Variants in CERS6 observed in about 807,000 individuals in gnomAD.
CERS6 encodes the protein LAG1 homolog, ceramide synthase 6.
CERS6 carries 26 observed loss-of-function variants against 56.8 expected under a neutral mutation model. The ratio of observed to expected loss-of-function variants is 0.46; its 90% CI spans 0.34 to 0.63. The LOEUF (loss-of-function observed/expected upper bound fraction) is 0.63, where lower values mean the gene tolerates loss of function less well. Among genes scored for constraint, CERS6 ranks in the 30% least tolerant of loss-of-function variants. The pLI is 0.01. For synonymous variants in CERS6, 164 were observed against 173.3 expected, an observed-to-expected ratio of 0.95 and a Z score of 0.42; for missense variants, 415 against 467.5, an observed-to-expected ratio of 0.89 and a Z score of 1.04.
intron 1 of CERS6, among the ~76,000 whole-genome samples, chr2:168,485,398 G>A (rs6734158): frequency 0.077 from 11,765 of 152,020 alleles, 503 homozygotes; most frequent in East Asian, 0.18. Context: ...TGTGTTGTAC[G>A]TTCCATGAGT....
chr2:168,746,946 TG>T (rs1446011417), intron 8 of CERS6, among the ~76,000 whole-genome samples: 1 of 151,534 alleles, frequency 6.6e-6, no homozygotes, highest in Non-Finnish European at 1.5e-5. Flanking sequence ...TTTAAATCCC[TG>T]GAATCAGAAG....
chr2:168,693,685 T>C (rs1686564094), intron 5 of CERS6, among the ~76,000 whole-genome samples: 1 of 152,130 alleles, frequency 6.6e-6, no homozygotes, highest in South Asian at 2.1e-4. Context: ...CCCTAAGAGC[T>C]CATGTCCCTT....
At chr2:168,735,880 CAAAAA>C (rs145418479) in intron 8 of CERS6, among the ~76,000 whole-genome samples, 1 of 106,586 alleles carries the variant, frequency 9.4e-6, no homozygotes, top group Non-Finnish European at 1.8e-5. Context: ...GACCCTGTCT[CAAAAA>C]AAAAAAAAAA....
chr2:168,552,933 CTG>C (rs1341298153), intron 2 of CERS6, among the ~76,000 whole-genome samples: 1 of 152,068 alleles, frequency 6.6e-6, no homozygotes, highest in Admixed American at 6.5e-5. Flanking sequence ...CAAATGAAAA[CTG>C]TGATTAAATA....
chr2:168,558,414 A>T (rs1038324085), intron 2 of CERS6, among the ~76,000 whole-genome samples: 2 of 152,224 alleles, frequency 1.3e-5, no homozygotes, highest in African/African-American at 4.8e-5. Context: ...CAAAAGAATA[A>T]GGGTGTTCTA....
rs755515202 is a variant in CERS6 at position 168,772,125 on chromosome 2, C to T, written c.*2463C>T. On this transcript the variant is annotated 3_prime_UTR_variant, in exon 10 of 10. Coordinates refer to ENST00000305747, the MANE Select transcript of CERS6 (RefSeq NM_203463.3). ...AAAAATATGTGCAGTATCTCATCCT[C>T]CCCCTGTACCAGGCCATAGCTTTGA... 3 of 152,190 alleles carry T rather than the reference C, an allele frequency of 2.0e-5. No individual in the cohort carries two copies. The highest frequency in any genetic ancestry group is 6.5e-5 in the Admixed American group (1 of 15,284). 9.4% of individuals were successfully genotyped at this position (152,190 alleles called of 1,614,324 possible). A position where few individuals can be genotyped will look rare whatever the true frequency, so the allele number is the denominator to read the frequency against.
intron 2 of CERS6, among the ~76,000 whole-genome samples, chr2:168,550,404 C>T (rs369977690): frequency 7.9e-5 from 12 of 152,262 alleles, no homozygotes; most frequent in East Asian, 3.9e-4. Context: ...TCTTGAACTC[C>T]GGGCTTCAAG....
Position 168,771,028 on chromosome 2 carries a change from T to G in CERS6, c.*1366T>G, listed in dbSNP as rs1455948617. On this transcript the variant is annotated 3_prime_UTR_variant, in exon 10 of 10. Transcript: ENST00000305747. ...AAAACCATATGTCAGCCAAAGATTTTATCTCTTCTTCTAACTTTTAGTAAG... is the reference window on the plus strand; with the variant it reads ...AAAACCATATGTCAGCCAAAGATTTGATCTCTTCTTCTAACTTTTAGTAAG... 1 of 152,206 alleles carries G rather than the reference T, an allele frequency of 6.6e-6. No individual in the cohort carries two copies. Among genetic ancestry groups the G allele is most frequent in the East Asian group, 1.9e-4 (1 of 5,198 alleles). 9.4% of individuals were successfully genotyped at this position (152,206 alleles called of 1,614,324 possible).
At chr2:168,515,501 G>A (rs1694869692) in intron 1 of CERS6, among the ~76,000 whole-genome samples, 1 of 152,166 alleles carries the variant, frequency 6.6e-6, no homozygotes, top group East Asian at 1.9e-4. Context: ...GAGGGGAATT[G>A]ATGTGGAAAG....
chr2:168,749,335 A>G lies in CERS6; in HGVS notation c.846-16257A>G, dbSNP rs565796122. On this transcript the variant is annotated intron_variant, in intron 8 of 9. Transcript: ENST00000305747. ...TCTGAGTGCTGCTTCTTTTGTTCAG[A>G]CGGAATTTAAAAATCAGTTTTAGAG... 7.1e-4 allele frequency among the ~76,000 whole-genome samples: 108 copies of G among 152,272 alleles called. 1 individual carries two copies. Among genetic ancestry groups the G allele is most frequent in the African/African-American group, 2.0e-3 (85 of 41,544 alleles).
At chr2:168,484,095 C>T (rs961117873) in intron 1 of CERS6, among the ~76,000 whole-genome samples, 1 of 149,878 alleles carries the variant, frequency 6.7e-6, no homozygotes, top group African/African-American at 2.4e-5. Context: ...GGAAGTTCTA[C>T]ATGTCACTGA....
chr2:168,749,243 T>G (rs1684190997), intron 8 of CERS6, among the ~76,000 whole-genome samples: 1 of 151,796 alleles, frequency 6.6e-6, no homozygotes, highest in African/African-American at 2.4e-5. Context: ...ATATCAAATA[T>G]CATACTATTT....
In CERS6 at chr2:168,598,825, T is replaced by C. The variant is rs1683865982; in HGVS notation, c.408-32160T>C. 2.6e-5 allele frequency among the ~76,000 whole-genome samples: 4 copies of C among 152,174 alleles called. No individual in the cohort carries two copies. In the South Asian group the frequency reaches 8.3e-4, roughly 32 times the overall value. ...GAACAATTAATATGAACATTTTCTT[T>C]TTAGAATCTGGTAAGTTTGGATAGA... On this transcript the variant is annotated intron_variant, in intron 3 of 9. Transcript: ENST00000305747.
chr2:168,467,579 A>G (rs1043136498), intron 1 of CERS6, among the ~76,000 whole-genome samples: 3 of 152,234 alleles, frequency 2.0e-5, no homozygotes, highest in African/African-American at 4.8e-5. Context: ...GATATCAGAA[A>G]GATTACAGAA....
intron 1 of CERS6, among the ~76,000 whole-genome samples, chr2:168,525,214 G>A (rs1444869133): frequency 1.3e-5 from 2 of 152,158 alleles, no homozygotes; most frequent in African/African-American, 2.4e-5. Flanking sequence ...AGCATGCCTC[G>A]GGATTACCTG....
intron 1 of CERS6, among the ~76,000 whole-genome samples, chr2:168,528,401 C>CT (rs1177715445): frequency 2.6e-5 from 4 of 152,232 alleles, no homozygotes; most frequent in African/African-American, 9.6e-5. Flanking sequence ...AGCCCTAGGG[C>CT]TGGTGGCTGT....
chr2:168,685,804 A>G (rs1200223951), intron 4 of CERS6, among the ~76,000 whole-genome samples: 1 of 151,950 alleles, frequency 6.6e-6, no homozygotes, highest in African/African-American at 2.4e-5. Context: ...ACTGATGGAT[A>G]TGCTTGCTGC....
At chr2:168,574,699 A>G (rs532595668) in intron 3 of CERS6, among the ~76,000 whole-genome samples, 9 of 77,616 alleles carry the variant, frequency 1.2e-4, no homozygotes, top group African/African-American at 3.4e-4. Context: ...GATCAATTCA[A>G]TTAGTATTAA....
intron 6 of CERS6, among the ~76,000 whole-genome samples, chr2:168,710,143 G>C (rs1423968620): frequency 6.6e-6 from 1 of 152,080 alleles, no homozygotes; most frequent in Non-Finnish European, 1.5e-5. Flanking sequence ...AGCAAATTTT[G>C]TCTAAAAAAC....
Sources: allele counts gnomAD v4.1 joint callset (sites outside exome capture counted in the v4.1 genomes callset), GRCh38; gene constraint gnomAD v4.1.1; transcripts MANE v1.5; gene names NCBI Gene and HGNC (gene_info 2026-07-23, HGNC 2026-07-21).